Variants in RALYL observed in about 807,000 individuals in gnomAD.
RALYL encodes the protein RNA-binding Raly-like protein.
In RALYL, 29 loss-of-function variants were observed where a neutral mutation model predicts 35.1. The ratio of observed to expected loss-of-function variants is 0.83; its 90% CI spans 0.61 to 1.13. The LOEUF (loss-of-function observed/expected upper bound fraction) is 1.13. RALYL is among the 50% of genes most tolerant of loss of function. The pLI is 0.00. For synonymous variants in RALYL, 120 were observed against 127.6 expected (o/e 0.94, Z 0.40); for missense variants, 359 against 360.4 (o/e 1.00, Z 0.03).
At chr8:84,878,426 C>A (rs567209305) in intron 7 of RALYL, among the ~76,000 whole-genome samples, 3 of 152,122 alleles carry the variant, frequency 2.0e-5, no homozygotes, top group African/African-American at 7.2e-5. Flanking sequence ...CTCAGCCAGA[C>A]CACCTACAGA....
chr8:84,605,539 G>A (rs185330604), intron 2 of RALYL, among the ~76,000 whole-genome samples: 3 of 152,174 alleles, frequency 2.0e-5, no homozygotes, highest in Admixed American at 2.0e-4. Flanking sequence ...TAACACTCAT[G>A]TTCTCAATCT....
intron 1 of RALYL, among the ~76,000 whole-genome samples, chr8:84,428,098 T>TCACA (rs1290376461): frequency 7.4e-6 from 1 of 135,876 alleles, no homozygotes; most frequent in Admixed American, 7.5e-5. Flanking sequence ...TCTCTCTCTC[T>TCACA]CTCTCTCTCA....
At chr8:84,898,548 C>T (rs954512775) in intron 8 of RALYL, among the ~76,000 whole-genome samples, 27 of 152,124 alleles carry the variant, frequency 1.8e-4, no homozygotes, top group Non-Finnish European at 3.1e-4. Flanking sequence ...AAGAGGTAAA[C>T]ACATGAAAAC....
intron 2 of RALYL, among the ~76,000 whole-genome samples, chr8:84,756,409 C>G (rs1270551206): frequency 6.6e-6 from 1 of 152,116 alleles, no homozygotes; most frequent in Non-Finnish European, 1.5e-5. Context: ...ATAGCAGCCC[C>G]CACTCCGTGG....
chr8:84,799,153 G>C (rs1822604915), intron 3 of RALYL, among the ~76,000 whole-genome samples: 1 of 152,168 alleles, frequency 6.6e-6, no homozygotes, highest in Admixed American at 6.5e-5. Context: ...ATGATTCTAG[G>C]TACTTGAAAT....
chr8:84,800,057 C>A (rs987052013), intron 3 of RALYL, among the ~76,000 whole-genome samples: 35 of 152,178 alleles, frequency 2.3e-4, no homozygotes, highest in African/African-American at 2.4e-5. Flanking sequence ...ATTTCGTGGG[C>A]AGCTATAGCC....
At chr8:84,589,997 A>G (rs1203613915) in intron 2 of RALYL, among the ~76,000 whole-genome samples, 1 of 152,246 alleles carries the variant, frequency 6.6e-6, no homozygotes, top group African/African-American at 2.4e-5. Flanking sequence ...TTTAGCTCCA[A>G]TAGCCATATA....
At position 84,797,351 on chromosome 8, in the gene RALYL, T is replaced by A. The variant is rs538885531; in HGVS notation, c.333-7419T>A. Among the ~76,000 whole-genome samples, 4 of 152,376 alleles carry A rather than the reference T, an allele frequency of 2.6e-5. No individual in the cohort carries two copies. The South Asian group carries it at 6.2e-4, about 24-fold the overall frequency. ...GTGAGTTTTAGAGAGGACATTCAGA[T>A]AACAGCACTGTGTGGCTTTAAACAA... On this transcript the variant is annotated intron_variant, in intron 3 of 8. Coordinates refer to ENST00000521268, the MANE Select transcript of RALYL (RefSeq NM_173848.7).
intron 3 of RALYL, among the ~76,000 whole-genome samples, chr8:84,794,880 G>A (rs1225525004): frequency 6.6e-6 from 1 of 152,184 alleles, no homozygotes; most frequent in Non-Finnish European, 1.5e-5. Flanking sequence ...TCCATCCGAG[G>A]GAGATGAGCC....
chr8:84,874,238 A>G (rs903583204), intron 7 of RALYL, among the ~76,000 whole-genome samples: 1 of 152,118 alleles, frequency 6.6e-6, no homozygotes, highest in Non-Finnish European at 1.5e-5. Flanking sequence ...CTGGCATTCA[A>G]CATAAGACTT....
intron 2 of RALYL, among the ~76,000 whole-genome samples, chr8:84,648,736 T>G (rs896440326): frequency 3.3e-5 from 5 of 151,550 alleles, no homozygotes; most frequent in African/African-American, 1.2e-4. Flanking sequence ...ATGAAATTAT[T>G]AATATATTAT....
chr8:84,665,154 C>A (rs1473851328), intron 2 of RALYL, among the ~76,000 whole-genome samples: 6 of 152,046 alleles, frequency 3.9e-5, no homozygotes, highest in Non-Finnish European at 7.4e-5. Flanking sequence ...GTTGAACCAA[C>A]CTTGCATGAA....
In RALYL at chr8:84,261,639, GT is replaced by G. The variant is rs933301844; in HGVS notation, c.-24+77223del. ...GATATAAATATTTAACAAATGTTCA[GT>G]TTTTTTTCTATAGAACACTATTTTG... is the stretch of plus-strand genomic sequence containing the variant. On this transcript the variant is annotated intron_variant, in intron 1 of 8. Transcript: ENST00000521268. Among the ~76,000 whole-genome samples, 17 of 151,992 alleles carry G rather than the reference GT, an allele frequency of 1.1e-4. No homozygotes were observed. In the East Asian group the frequency reaches 1.7e-3, roughly 16 times the overall value.
chr8:84,460,362 G>T (rs2050619672), intron 1 of RALYL, among the ~76,000 whole-genome samples: 1 of 151,664 alleles, frequency 6.6e-6, no homozygotes, highest in African/African-American at 2.4e-5. Context: ...TTGTATACTT[G>T]CAAAGTGAAG....
intron 1 of RALYL, among the ~76,000 whole-genome samples, chr8:84,456,105 T>C (rs1231909141): frequency 2.0e-5 from 3 of 152,000 alleles, no homozygotes; most frequent in African/African-American, 7.2e-5. Context: ...AATTATAAAA[T>C]GTAGTGAGGA....
At chr8:84,767,976 G>GAGCTCTGA (rs1464214192) in intron 2 of RALYL, among the ~76,000 whole-genome samples, 1 of 152,142 alleles carries the variant, frequency 6.6e-6, no homozygotes, top group Non-Finnish European at 1.5e-5. Flanking sequence ...AACAGTTTAA[G>GAGCTCTGA]AGCTCTGAAC....
chr8:84,356,904 T>C (rs1851952948), intron 1 of RALYL, among the ~76,000 whole-genome samples: 476 of 151,766 alleles, frequency 3.1e-3, no homozygotes, highest in African/African-American at 9.5e-3. Context: ...AATAATAGAG[T>C]AAATAGTGTT....
intron 1 of RALYL, among the ~76,000 whole-genome samples, chr8:84,285,142 T>C (rs1360803695): frequency 6.6e-6 from 1 of 152,190 alleles, no homozygotes; most frequent in Admixed American, 6.5e-5. Context: ...CATGAGATTA[T>C]GGATGCTGCG....
chr8:84,313,585 C>G (rs1843208331), intron 1 of RALYL, among the ~76,000 whole-genome samples: 1 of 152,278 alleles, frequency 6.6e-6, no homozygotes, highest in Admixed American at 6.5e-5. Context: ...GCGAGATACC[C>G]TAAGTCATCA....
Sources: gnomAD v4.1 joint callset for allele counts (sites outside exome capture counted in the v4.1 genomes callset) on GRCh38, gnomAD v4.1.1 for gene constraint, MANE v1.5 for transcripts, NCBI Gene and HGNC (gene_info 2026-07-23, HGNC 2026-07-21) for gene names.